Variants in TRDN observed in about 807,000 individuals in gnomAD.
TRDN encodes the protein triadin in skeletal muscle.
In TRDN, 161 loss-of-function variants were observed where a neutral mutation model predicts 149.7. The observed-to-expected ratio is 1.08, with a 90% CI of 0.95 to 1.23. The LOEUF (loss-of-function observed/expected upper bound fraction) is 1.23. Among genes scored for constraint, TRDN ranks in the 50% most tolerant of loss-of-function variants. TRDN has a pLI of 0.00. For synonymous variants in TRDN, 294 were observed against 250.5 expected (o/e 1.17, Z -1.64); for missense variants, 896 against 823.5 (o/e 1.09, Z -1.08).
intron 21 of TRDN, chr6:123,350,097 T>G (rs1316952586): frequency 1.0e-6 from 1 of 976,874 alleles, no homozygotes; most frequent in Non-Finnish European, 1.2e-6. Flanking sequence ...GCTCCAACTT[T>G]ATACTTAATA....
At chr6:123,352,728 C>G in intron 20 of TRDN, 142 bp from the exon 21 acceptor site, 1 of 1,171,734 alleles carries the variant, frequency 8.5e-7, no homozygotes, top group Non-Finnish European at 1.1e-6. Flanking sequence ...TTTCTCATTT[C>G]TCTATAACGC....
At chr6:123,447,229 C>G (rs1001196958) in intron 10 of TRDN, among the ~76,000 whole-genome samples, 4 of 152,188 alleles carry the variant, frequency 2.6e-5, no homozygotes, top group African/African-American at 9.7e-5. Flanking sequence ...TTTCCAGTGA[C>G]TACCCGAGAC....
At chr6:123,289,148 A>G (rs1777910556) in intron 24 of TRDN, among the ~76,000 whole-genome samples, 1 of 147,006 alleles carries the variant, frequency 6.8e-6, no homozygotes, top group African/African-American at 2.5e-5. Flanking sequence ...TATATATATT[A>G]TATATAATAT....
At chr6:123,449,054 C>A (rs1292558147) in intron 10 of TRDN, among the ~76,000 whole-genome samples, 1 of 152,038 alleles carries the variant, frequency 6.6e-6, no homozygotes, top group Non-Finnish European at 1.5e-5. Context: ...CCCTAGGGGA[C>A]AAAAGAATCT....
At chr6:123,397,799 T>C (rs74779282) in intron 12 of TRDN, among the ~76,000 whole-genome samples, 22,931 of 152,188 alleles carry the variant, frequency 0.15, 1,795 homozygotes, top group African/African-American at 0.21. Context: ...TTTGCATGGA[T>C]TTTGTTAAAA....
intron 4 of TRDN, among the ~76,000 whole-genome samples, chr6:123,542,863 T>TGC (rs1256931012): frequency 7.3e-6 from 1 of 136,896 alleles, no homozygotes; most frequent in Non-Finnish European, 1.5e-5. Context: ...TGTTTGCGTG[T>TGC]GTGTGTGTGT....
intron 21 of TRDN, among the ~76,000 whole-genome samples, chr6:123,339,569 C>A (rs1779995094): frequency 6.6e-6 from 1 of 152,182 alleles, no homozygotes; most frequent in Non-Finnish European, 1.5e-5. Context: ...AAGCAACCTA[C>A]AGTATTCCTT....
intron 22 of TRDN, among the ~76,000 whole-genome samples, chr6:123,337,034 T>C (rs1158854873): frequency 6.6e-6 from 1 of 152,082 alleles, no homozygotes. Flanking sequence ...AGGCAGTTAG[T>C]CCATTCAGGA....
intron 9 of TRDN, among the ~76,000 whole-genome samples, chr6:123,474,219 A>G (rs1484833858): frequency 6.6e-6 from 1 of 152,164 alleles, no homozygotes; most frequent in Non-Finnish European, 1.5e-5. Flanking sequence ...AGAGACACAC[A>G]TAGGCTCAAA....
At position 123,497,242 on chromosome 6, in the gene TRDN, T is replaced by C. The variant is rs748948862; in HGVS notation, c.804A>G (p.Ala268=). 1.4e-5 allele frequency: 21 copies of C among 1,548,428 alleles called. No homozygotes were observed. In the South Asian group the frequency reaches 2.2e-4, roughly 16 times the overall value. ...VSKHEQKDQY[A]FCRYMIDIFV... Reference sequence around the variant, plus strand: ...ATATGTCAATCATATATCGACAGAATGCATACTGATCTGACAGAGTAGAAA... The same window carrying C: ...ATATGTCAATCATATATCGACAGAACGCATACTGATCTGACAGAGTAGAAA... Residue 268 remains alanine, a synonymous_variant, in exon 9 of 41, where the codon GCA becomes GCG. Transcript: ENST00000334268.
chr6:123,522,517 CTTTTTTTT>C (rs375665403), intron 5 of TRDN, among the ~76,000 whole-genome samples: 3 of 87,232 alleles, frequency 3.4e-5, no homozygotes, highest in Admixed American at 1.7e-4. Context: ...TGCGGTTCCT[CTTTTTTTT>C]TTTTTTTTTT....
At chr6:123,605,253 T>G (rs898316599) in intron 1 of TRDN, among the ~76,000 whole-genome samples, 3 of 135,478 alleles carry the variant, frequency 2.2e-5, no homozygotes, top group Non-Finnish European at 4.9e-5. Flanking sequence ...ATCAAATAAT[T>G]ATTTATATAT....
chr6:123,415,700 G>T (rs539587438), intron 12 of TRDN, among the ~76,000 whole-genome samples: 5 of 152,226 alleles, frequency 3.3e-5, no homozygotes, highest in Admixed American at 2.6e-4. Flanking sequence ...AGAGACCTAA[G>T]AAAGAAGACC....
chr6:123,361,526 AAGAGAG>A (rs547258197), intron 20 of TRDN, among the ~76,000 whole-genome samples: 1 of 151,770 alleles, frequency 6.6e-6, no homozygotes, highest in African/African-American at 2.4e-5. Flanking sequence ...AATAAAAAAA[AAGAGAG>A]AGAGAGAGAT....
intron 2 of TRDN, among the ~76,000 whole-genome samples, chr6:123,556,096 A>G (rs898783588): frequency 1.3e-5 from 2 of 152,202 alleles, no homozygotes; most frequent in African/African-American, 2.4e-5. Flanking sequence ...AAAATAAATC[A>G]TGAGATGCTT....
intron 9 of TRDN, among the ~76,000 whole-genome samples, chr6:123,494,919 A>T (rs916937626): frequency 2.6e-5 from 4 of 151,968 alleles, no homozygotes; most frequent in African/African-American, 7.2e-5. Context: ...TTTTTAGTAG[A>T]GACGGGGTTT....
intron 24 of TRDN, among the ~76,000 whole-genome samples, chr6:123,293,518 G>T (rs2114655172): frequency 6.6e-6 from 1 of 152,134 alleles, no homozygotes; most frequent in Non-Finnish European, 1.5e-5. Flanking sequence ...CATTCTTCCA[G>T]ATCACAACAT....
At chr6:123,476,812 G>C (rs919255873) in intron 9 of TRDN, among the ~76,000 whole-genome samples, 9 of 151,568 alleles carry the variant, frequency 5.9e-5, no homozygotes, top group Admixed American at 2.0e-4. Context: ...AATGGGGAAA[G>C]GATTCCCTAT....
intron 19 of TRDN, among the ~76,000 whole-genome samples, chr6:123,370,876 AT>A (rs537982096): frequency 1.7e-5 from 2 of 115,922 alleles, no homozygotes; most frequent in Admixed American, 8.4e-5. Flanking sequence ...TCTAGTGCCC[AT>A]TTTTTTTTCT....
Sources: allele counts gnomAD v4.1 joint callset (sites outside exome capture counted in the v4.1 genomes callset), GRCh38; gene constraint gnomAD v4.1.1; transcripts MANE v1.5; gene names NCBI Gene and HGNC (gene_info 2026-07-23, HGNC 2026-07-21).